The following LRRC7 variants were observed in gnomAD, a reference collection of about 807,000 sequenced individuals.
The protein encoded by LRRC7 is leucine-rich repeat-containing protein 7.
LRRC7 carries 23 observed loss-of-function variants against 175.7 expected under a neutral mutation model. The observed-to-expected ratio is 0.13, with a 90% CI of 0.09 to 0.19. LRRC7 has a LOEUF of 0.19. LRRC7 is among the 10% of genes least tolerant of loss of function. The pLI is 1.00. For missense variants in LRRC7, 1,354 were observed against 1,904.7 expected, an observed-to-expected ratio of 0.71 and a Z score of 5.38; for synonymous variants, 685 against 680.9, an observed-to-expected ratio of 1.01 and a Z score of -0.09.
At chr1:69,950,225 A>G (rs1239636119) in intron 8 of LRRC7, among the ~76,000 whole-genome samples, 1 of 151,984 alleles carries the variant, frequency 6.6e-6, no homozygotes, top group African/African-American at 2.4e-5. Flanking sequence ...AGATAGACAT[A>G]TGGATGGATG....
intron 7 of LRRC7, among the ~76,000 whole-genome samples, chr1:69,913,565 G>C (rs1218397628): frequency 6.6e-6 from 1 of 152,052 alleles, no homozygotes; most frequent in Non-Finnish European, 1.5e-5. Context: ...AGGCTGGAGT[G>C]CAATGGTGCG....
chr1:70,042,944 A>G (rs1660037456), intron 21 of LRRC7, among the ~76,000 whole-genome samples: 1 of 152,174 alleles, frequency 6.6e-6, no homozygotes, highest in Non-Finnish European at 1.5e-5. Flanking sequence ...CCTGCTGCTA[A>G]TGTTCAGTAA....
At chr1:69,818,154 T>C (rs1271118366) in intron 4 of LRRC7, among the ~76,000 whole-genome samples, 1 of 152,120 alleles carries the variant, frequency 6.6e-6, no homozygotes, top group Non-Finnish European at 1.5e-5. Context: ...CTATGTTAAA[T>C]AGAAGTGACA....
rs768516683 is a variant in LRRC7, at chr1:70,036,158, G to A, written c.2033G>A (p.Gly678Glu). ...FVHPANEMRI[G>E]ELHPSLAETP... ...CATCCAGCTAATGAAATGAGGATTGGGGAACTTCACCCTTCATTAGCTGAG... is the reference window on the plus strand; with the variant it reads ...CATCCAGCTAATGAAATGAGGATTGAGGAACTTCACCCTTCATTAGCTGAG... The change falls in exon 19 of 27, where the codon GGG becomes GAG. Residue 678 changes from glycine to glutamate, a missense_variant. Gly to Glu is a moderately conservative substitution (Grantham distance 98, BLOSUM62 -2). Transcript: ENST00000651989. 6.2e-7 allele frequency: 1 copy of A among 1,613,094 alleles called. No individual in the cohort carries two copies. The highest frequency in any genetic ancestry group is 8.5e-7 in the Non-Finnish European group (1 of 1,179,466).
At chr1:69,871,429 G>T (rs1399760285) in intron 7 of LRRC7, among the ~76,000 whole-genome samples, 1 of 151,966 alleles carries the variant, frequency 6.6e-6, no homozygotes, top group Non-Finnish European at 1.5e-5. Flanking sequence ...GGATTAAGTT[G>T]CACGTTTCAG....
Position 69,686,607 on chromosome 1 carries a change from A to C in LRRC7, c.100+8129A>C, listed in dbSNP as rs188908561. ...AAGACTACAAAATAATACACTCAAA[A>C]ACATTATAAGTAAATCAAAGGTGAA... On this transcript the variant is annotated intron_variant, in intron 2 of 26. Coordinates refer to ENST00000651989, the MANE Select transcript of LRRC7 (RefSeq NM_001370785.2). Among the ~76,000 whole-genome samples the C allele has an allele frequency of 1.1e-3, 163 of 152,306 alleles. 1 individual carries two copies. The highest frequency in any genetic ancestry group is 6.9e-3 in the Middle Eastern group (2 of 290).
chr1:69,635,424 A>G (rs962541757), intron 1 of LRRC7, among the ~76,000 whole-genome samples: 2 of 152,128 alleles, frequency 1.3e-5, no homozygotes, highest in Non-Finnish European at 2.9e-5. Flanking sequence ...ATTGAATTTA[A>G]AAGGATAATG....
At chr1:69,642,968 G>T (rs1419899471) in intron 1 of LRRC7, among the ~76,000 whole-genome samples, 1 of 152,034 alleles carries the variant, frequency 6.6e-6, no homozygotes, top group Non-Finnish European at 1.5e-5. Context: ...AAAGCCAGAG[G>T]TGTAATCCAG....
Position 69,779,595 on chromosome 1 carries a change from C to A in LRRC7, c.304-12448C>A, listed in dbSNP as rs376879686. Among the ~76,000 whole-genome samples the A allele has an allele frequency of 5.9e-5, 9 of 152,236 alleles. No homozygotes were observed. The East Asian group carries it at 1.5e-3, about 26-fold the overall frequency. ...TATTCCCTTCCTTCTAAGACAATGG[C>A]AAACATTAAAATAACCTTCCTCTTC... On this transcript the variant is annotated intron_variant, in intron 3 of 26. Coordinates refer to ENST00000651989, the MANE Select transcript of LRRC7 (RefSeq NM_001370785.2).
chr1:70,028,421 T>C (rs1286401646), intron 18 of LRRC7, 50 bp downstream of exon 18: 1 of 1,515,484 alleles, frequency 6.6e-7, no homozygotes, highest in South Asian at 1.2e-5. Flanking sequence ...TTTTTTGGAA[T>C]TTTAAATATG....
intron 23 of LRRC7, among the ~76,000 whole-genome samples, chr1:70,063,615 C>A (rs1288654549): frequency 6.6e-6 from 1 of 151,980 alleles, no homozygotes; most frequent in African/African-American, 2.4e-5. Context: ...CCATTTCTTG[C>A]CACTTGATCT....
chr1:69,911,043 C>T (rs139807572), intron 7 of LRRC7, among the ~76,000 whole-genome samples: 4,193 of 152,248 alleles, frequency 0.028, 188 homozygotes, highest in African/African-American at 0.095. Flanking sequence ...TTTTTAAGCC[C>T]GTTGGAAAAG....
chr1:70,031,734 T>G (rs895676816), intron 18 of LRRC7, among the ~76,000 whole-genome samples: 1 of 152,182 alleles, frequency 6.6e-6, no homozygotes, highest in Non-Finnish European at 1.5e-5. Context: ...GATTTTCAAA[T>G]GCCACTTGGT....
chr1:69,707,115 G>A (rs1664132241), intron 2 of LRRC7, among the ~76,000 whole-genome samples: 2 of 152,130 alleles, frequency 1.3e-5, no homozygotes, highest in South Asian at 2.1e-4. Flanking sequence ...TGATTAATGA[G>A]GAATAAATAA....
rs1479164845 is a variant in LRRC7 at position 70,138,377 on chromosome 1, C to T, written c.*16490C>T. ...AAGATCAGTTCTGTAAAGCATAATG[C>T]CTACTACACAGACATCATTATTCTA... On this transcript the variant is annotated 3_prime_UTR_variant, in exon 27 of 27. Transcript: ENST00000651989. 6.6e-6 allele frequency: 1 copy of T among 152,088 alleles called. No individual in the cohort carries two copies. Among genetic ancestry groups the T allele is most frequent in the Non-Finnish European group, 1.5e-5 (1 of 68,008 alleles). 9.4% of individuals were successfully genotyped at this position (152,088 alleles called of 1,614,324 possible). A position where few individuals can be genotyped will look rare whatever the true frequency, so the allele number is the denominator to read the frequency against.
chr1:69,581,510 T>C (rs895502950), intron 1 of LRRC7, among the ~76,000 whole-genome samples: 16 of 152,134 alleles, frequency 1.1e-4, no homozygotes, highest in African/African-American at 3.6e-4. Context: ...TAGGTACAAT[T>C]TGTTGACTGG....
chr1:69,762,930 GTTTCAAGGTTGAATT>G (rs1671192295), intron 3 of LRRC7, among the ~76,000 whole-genome samples: 1 of 151,886 alleles, frequency 6.6e-6, no homozygotes, highest in African/African-American at 2.4e-5. Flanking sequence ...GTTTCTGTGA[GTTTCAAGGTTGAATT>G]TTTTTTACTT....
At chr1:70,006,477 A>C (rs1160543264) in intron 11 of LRRC7, among the ~76,000 whole-genome samples, 4 of 152,120 alleles carry the variant, frequency 2.6e-5, no homozygotes, top group Non-Finnish European at 4.4e-5. Flanking sequence ...GTCTCAAAAA[A>C]AAAAAAAAAG....
intron 24 of LRRC7, among the ~76,000 whole-genome samples, chr1:70,087,448 A>G (rs1370704826): frequency 6.6e-6 from 1 of 152,198 alleles, no homozygotes; most frequent in Non-Finnish European, 1.5e-5. Flanking sequence ...AAAACACAAA[A>G]GAAAAATGTT....
Sources: gnomAD v4.1 joint callset for allele counts (sites outside exome capture counted in the v4.1 genomes callset) on GRCh38, gnomAD v4.1.1 for gene constraint, MANE v1.5 for transcripts, NCBI Gene and HGNC (gene_info 2026-07-23, HGNC 2026-07-21) for gene names.